Variants in FAM149A observed in about 807,000 individuals in gnomAD.
FAM149A encodes protein FAM149A.
Under a neutral mutation model 78.2 loss-of-function variants are expected in FAM149A, and 71 were observed. That is an observed-to-expected ratio of 0.91 (90% CI 0.75 to 1.11). The LOEUF is 1.11. FAM149A is among the 50% of genes least tolerant of loss of function. FAM149A has a pLI of 0.00. For synonymous variants in FAM149A, 446 were observed against 410.5 expected, an observed-to-expected ratio of 1.09 and a Z score of -1.04; for missense variants, 1,036 against 971.0, an observed-to-expected ratio of 1.07 and a Z score of -0.89.
intron 13 of FAM149A, 116 bp from the exon 14 acceptor site, chr4:186,171,798 G>A (rs1014048917): frequency 1.4e-6 from 1 of 703,550 alleles, no homozygotes; most frequent in Non-Finnish European, 2.1e-6. Flanking sequence ...ATACAAAAGT[G>A]TATTAAAATA....
At chr4:186,170,433 C>G (rs1364984739) in intron 13 of FAM149A, among the ~76,000 whole-genome samples, 1 of 152,212 alleles carries the variant, frequency 6.6e-6, no homozygotes, top group Non-Finnish European at 1.5e-5. Context: ...TCCTGATCAC[C>G]CATGAGCCTA....
At chr4:186,110,281 T>C (rs1003140873) in intron 1 of FAM149A, 13 of 985,324 alleles carry the variant, frequency 1.3e-5, no homozygotes, top group African/African-American at 1.2e-4. Flanking sequence ...TAGGTCTTTT[T>C]GTTTCATCGT....
intron 8 of FAM149A, among the ~76,000 whole-genome samples, chr4:186,159,451 A>G (rs1376234639): frequency 6.6e-6 from 1 of 151,976 alleles, no homozygotes; most frequent in Non-Finnish European, 1.5e-5. Flanking sequence ...CTGTTTGGGG[A>G]CTGTGACTGG....
chr4:186,122,918 G>T (rs2099316696), intron 1 of FAM149A: 1 of 222,942 alleles, frequency 4.5e-6, no homozygotes, highest in Admixed American at 6.5e-5. Context: ...TTTCTTGAAA[G>T]CATCTGGTAA....
At position 186,144,714 on chromosome 4, in the gene FAM149A, A is replaced by T; in HGVS notation, c.567-4459A>T. ...GAGCGGGGAAGGCGCGCTTTCCCGG[A>T]GGTCGGCGCGGGGCCGGGGCCGGGG... On this transcript the variant is annotated intron_variant, in intron 1 of 13. Coordinates refer to ENST00000389354, the MANE Select transcript of FAM149A (RefSeq NM_001367768.3). The surrounding 1 kb of genome is among the most constrained non-coding windows in gnomAD (Gnocchi z 4.2). 3 of 492,510 alleles carry T rather than the reference A, an allele frequency of 6.1e-6. No homozygotes were observed. Among genetic ancestry groups the T allele is most frequent in the South Asian group, 8.8e-5 (1 of 11,360 alleles). 30.5% of individuals were successfully genotyped at this position (492,510 alleles called of 1,614,324 possible).
In FAM149A at chr4:186,109,953, C is replaced by G. The variant is rs2099310511; in HGVS notation, c.566+4311C>G. 6.1e-6 allele frequency: 6 copies of G among 985,412 alleles called. No individual in the cohort carries two copies. In the South Asian group the frequency reaches 1.9e-4, roughly 31 times the overall value. 61.0% of individuals were successfully genotyped at this position (985,412 alleles called of 1,614,324 possible). On this transcript the variant is annotated intron_variant, in intron 1 of 13. Transcript: ENST00000389354. ...GCTGTGTAACACCCAGAAGGAAATG[C>G]ATTTACCACTCTGGGATCAAACTTT...
Position 186,144,941 on chromosome 4 carries a change from GCGCGGGCGCGGGCGCGGGCGGGT to G in FAM149A, c.567-4231_567-4209del. The G allele has an allele frequency of 1.2e-5, 3 of 252,094 alleles. No homozygotes were observed. The highest frequency in any genetic ancestry group is 2.6e-4 in the African/African-American group (2 of 7,652). The allele number at this position is 252,094 out of a possible 1,614,324, so 15.6% of individuals were successfully genotyped here. A position where few individuals can be genotyped will look rare whatever the true frequency, so the allele number is the denominator to read the frequency against. On this transcript the variant is annotated intron_variant, in intron 1 of 13. Coordinates refer to ENST00000389354, the MANE Select transcript of FAM149A (RefSeq NM_001367768.3). This position sits in a 1 kb window ranked among gnomAD's most constrained non-coding sequence, Gnocchi z 4.2. ...AGCCGCGCGGCGGGCGCGGGCGCGG[GCGCGGGCGCGGGCGCGGGCGGGT>G]GGGGAGCCCCAGCCCCGGGGCCGCG...
chr4:186,170,865 A>G (rs1029021497), intron 13 of FAM149A: 1 of 152,236 alleles, frequency 6.6e-6, no homozygotes, highest in African/African-American at 2.4e-5. Flanking sequence ...CGTCCTCCAA[A>G]CCAAAGTCCA....
rs775073479 is a variant in FAM149A, at chr4:186,171,975, A to C, written c.2280A>C (p.Gln760His). ...CTTTGACTTTCAAGAGGAGATTCCA[A>C]GTGACATCTTGAAACCACCTCACCA... Residue 760 changes from glutamine (Q) to histidine (H), a missense_variant, in exon 14 of 14, where the codon CAA (glutamine) becomes CAC (histidine). Coordinates refer to ENST00000389354, the MANE Select transcript of FAM149A (RefSeq NM_001367768.3). 4 of 1,612,432 alleles carry C rather than the reference A, an allele frequency of 2.5e-6. No homozygotes were observed. In the South Asian group the frequency reaches 4.4e-5, roughly 18 times the overall value.
chr4:186,149,586 C>A lies in FAM149A; in HGVS notation c.678-7C>A. 2.3e-6 allele frequency: 3 copies of A among 1,289,892 alleles called. No homozygotes were observed. Among genetic ancestry groups the A allele is most frequent in the Non-Finnish European group, 3.0e-6 (3 of 988,876 alleles). The allele number at this position is 1,289,892 out of a possible 1,614,324, so 79.9% of individuals were successfully genotyped here. ...TGCAGCAAATCCTTGTCATCCTTTTCCTCCAGCGGAAGCCATACACCCACG... is the reference window on the plus strand; with the variant it reads ...TGCAGCAAATCCTTGTCATCCTTTTACTCCAGCGGAAGCCATACACCCACG... On this transcript the variant is annotated splice_polypyrimidine_tract_variant and splice_region_variant and intron_variant, in intron 2 of 13. Coordinates refer to ENST00000389354, the MANE Select transcript of FAM149A (RefSeq NM_001367768.3).
chr4:186,156,241 C>A lies in FAM149A; in HGVS notation c.1420+51C>A, dbSNP rs762037425. 9.5e-6 allele frequency: 14 copies of A among 1,478,274 alleles called. No homozygotes were observed. In the East Asian group the frequency reaches 1.6e-4, roughly 17 times the overall value. 91.6% of individuals were successfully genotyped at this position (1,478,274 alleles called of 1,614,324 possible). A position where few individuals can be genotyped will look rare whatever the true frequency, so the allele number is the denominator to read the frequency against. On this transcript the variant is annotated intron_variant, in intron 7 of 13. Coordinates refer to ENST00000389354, the MANE Select transcript of FAM149A (RefSeq NM_001367768.3). ...ATGAAAAGAAAAAGTCCCTGTTCTT[C>A]GGCCCTGGGCTCCTGCTCCCCAGCT...
intron 3 of FAM149A, among the ~76,000 whole-genome samples, chr4:186,150,447 T>TCTC (rs1385705570): frequency 1.7e-5 from 2 of 116,126 alleles, no homozygotes; most frequent in Non-Finnish European, 3.5e-5. Flanking sequence ...TGAGACGGAG[T>TCTC]CTCGCTCTGT....
intron 8 of FAM149A, among the ~76,000 whole-genome samples, chr4:186,160,008 C>T (rs908150919): frequency 3.1e-5 from 3 of 96,518 alleles, no homozygotes; most frequent in Admixed American, 1.2e-4. Flanking sequence ...CATCCCCCCA[C>T]ACACCCCCCA....
intron 9 of FAM149A, 36 bp from the exon 10 acceptor site, chr4:186,163,388 C>T: frequency 1.9e-6 from 3 of 1,556,944 alleles, no homozygotes; most frequent in Non-Finnish European, 1.8e-6. Flanking sequence ...TATCACAGCA[C>T]TCGCAGCTGA....
intron 4 of FAM149A, chr4:186,153,425 G>A (rs1477302612): frequency 1.3e-5 from 13 of 985,348 alleles, no homozygotes; most frequent in Non-Finnish European, 1.6e-5. Flanking sequence ...ACAAACAAAT[G>A]AAATTAGCCT....
At chr4:186,136,640 G>T (rs760007071) in intron 1 of FAM149A, among the ~76,000 whole-genome samples, 3 of 152,106 alleles carry the variant, frequency 2.0e-5, no homozygotes, top group Non-Finnish European at 4.4e-5. Flanking sequence ...CATATTAAAA[G>T]TCTAAGTATT....
chr4:186,127,759 C>T (rs536701885), intron 1 of FAM149A: 1 of 774,024 alleles, frequency 1.3e-6, no homozygotes, highest in East Asian at 1.3e-4. Context: ...GATCTCTGCT[C>T]CCTGCAACCT....
At chr4:186,160,736 C>A (rs73027969) in intron 8 of FAM149A, 34,657 of 952,066 alleles carry the variant, frequency 0.036, 704 homozygotes, top group Admixed American at 0.065. Context: ...CACCACACCC[C>A]ACACACACCA....
intron 3 of FAM149A, 108 bp from the exon 4 acceptor site, chr4:186,151,795 T>G: frequency 6.7e-7 from 1 of 1,482,226 alleles, no homozygotes; most frequent in Non-Finnish European, 9.0e-7. Context: ...TACCAAGTGA[T>G]GCACCCTCCT....
Sources: gnomAD v4.1 joint callset for allele counts (sites outside exome capture counted in the v4.1 genomes callset) on GRCh38, gnomAD v4.1.1 for gene constraint, Gnocchi (gnomAD v3.1) non-coding constraint, MANE v1.5 for transcripts, NCBI Gene and HGNC (gene_info 2026-07-23, HGNC 2026-07-21) for gene names.